The following EDIL3 variants were observed in gnomAD, a reference collection of about 807,000 sequenced individuals.
EDIL3 encodes the protein EGF-like repeat and discoidin I-like domain-containing protein 3.
Under a neutral mutation model 67.4 loss-of-function variants are expected in EDIL3, and 37 were observed. That is an observed-to-expected ratio of 0.55 (90% CI 0.42 to 0.72). The LOEUF (loss-of-function observed/expected upper bound fraction) is 0.72, where lower values mean the gene tolerates loss of function less well. Among genes scored for constraint, EDIL3 ranks in the 30% least tolerant of loss-of-function variants. The probability of loss-of-function intolerance (pLI) is 0.00; values close to 1 mark genes in which losing one functional copy is unlikely to be tolerated. For synonymous variants in EDIL3, 195 were observed against 196.3 expected, an observed-to-expected ratio of 0.99 and a Z score of 0.05; for missense variants, 527 against 586.3, an observed-to-expected ratio of 0.90 and a Z score of 1.04.
At chr5:84,249,408 T>C (rs1349821676) in intron 2 of EDIL3, among the ~76,000 whole-genome samples, 2 of 151,708 alleles carry the variant, frequency 1.3e-5, no homozygotes, top group Non-Finnish European at 2.9e-5. Context: ...TCTATCTATC[T>C]ATCTATCTAT....
chr5:84,226,669 AT>A (rs2112405737), intron 3 of EDIL3, among the ~76,000 whole-genome samples: 1 of 152,046 alleles, frequency 6.6e-6, no homozygotes, highest in East Asian at 1.9e-4. Context: ...TAAATGACAC[AT>A]TTTCTCAATG....
intron 9 of EDIL3, among the ~76,000 whole-genome samples, chr5:84,000,569 A>T (rs957663817): frequency 2.0e-5 from 3 of 152,088 alleles, no homozygotes; most frequent in Admixed American, 1.3e-4. Context: ...CACCTACAAA[A>T]AAAAAGAGCA....
intron 9 of EDIL3, among the ~76,000 whole-genome samples, chr5:84,031,361 T>C (rs1420899893): frequency 6.6e-6 from 1 of 152,224 alleles, no homozygotes; most frequent in Non-Finnish European, 1.5e-5. Context: ...TTAAGAAATT[T>C]TGCTAAATTC....
At position 84,010,450 on chromosome 5, in the gene EDIL3, C is replaced by T. The variant is rs2301075; in HGVS notation, c.1138-47090G>A. 3.6e-3 allele frequency among the ~76,000 whole-genome samples: 542 copies of T among 152,218 alleles called. 9 individuals carry two copies. Among genetic ancestry groups the T allele is most frequent in the East Asian group, 0.022 (116 of 5,180 alleles). On this transcript the variant is annotated intron_variant, in intron 9 of 10. Coordinates refer to ENST00000296591, the MANE Select transcript of EDIL3 (RefSeq NM_005711.5). ...CCAGTTTTGTTCTATTTATTTCACTCTGTTCTATTCTCTTCCAAAATTATT... is the reference window on the plus strand; with the variant it reads ...CCAGTTTTGTTCTATTTATTTCACTTTGTTCTATTCTCTTCCAAAATTATT...
intron 9 of EDIL3, among the ~76,000 whole-genome samples, chr5:84,024,058 T>C (rs748077346): frequency 6.6e-6 from 1 of 152,174 alleles, no homozygotes; most frequent in Non-Finnish European, 1.5e-5. Context: ...ATTTAGAGAT[T>C]ATTTCAGCAC....
At chr5:84,366,418 C>T (rs921425309) in intron 1 of EDIL3, among the ~76,000 whole-genome samples, 5 of 152,106 alleles carry the variant, frequency 3.3e-5, no homozygotes, top group Admixed American at 2.6e-4. Flanking sequence ...GTTAGTAATC[C>T]GTTGAAGCAG....
At chr5:84,143,406 A>C (rs2112322988) in intron 4 of EDIL3, among the ~76,000 whole-genome samples, 1 of 152,202 alleles carries the variant, frequency 6.6e-6, no homozygotes, top group Non-Finnish European at 1.5e-5. Context: ...CAAGAACAGT[A>C]GCATAACAAA....
At chr5:84,048,456 A>T (rs1746270111) in intron 9 of EDIL3, among the ~76,000 whole-genome samples, 1 of 152,044 alleles carries the variant, frequency 6.6e-6, no homozygotes, top group Admixed American at 6.6e-5. Flanking sequence ...TGAAATGAAA[A>T]TCTGTAGGGT....
chr5:83,989,471 T>A (rs1228785142), intron 9 of EDIL3, among the ~76,000 whole-genome samples: 1 of 152,226 alleles, frequency 6.6e-6, no homozygotes, highest in Non-Finnish European at 1.5e-5. Context: ...TCTCAAAATA[T>A]GCATTGCTCC....
chr5:84,094,621 TA>T (rs1363530247), intron 6 of EDIL3, among the ~76,000 whole-genome samples: 1 of 152,178 alleles, frequency 6.6e-6, no homozygotes, highest in African/African-American at 2.4e-5. Context: ...ACACATTACA[TA>T]CAGACATATG....
At chr5:84,178,822 C>T (rs1352231215) in intron 4 of EDIL3, among the ~76,000 whole-genome samples, 1 of 152,162 alleles carries the variant, frequency 6.6e-6, no homozygotes, top group African/African-American at 2.4e-5. Flanking sequence ...CAAGTTCCCA[C>T]TGCAATTCCC....
intron 10 of EDIL3, among the ~76,000 whole-genome samples, chr5:83,951,150 C>T (rs150662575): frequency 2.0e-5 from 3 of 151,566 alleles, no homozygotes; most frequent in Non-Finnish European, 3.0e-5. Context: ...AAGTGAAAAA[C>T]AAAACATGGG....
chr5:83,953,106 C>T (rs1248524815), intron 10 of EDIL3, among the ~76,000 whole-genome samples: 1 of 151,810 alleles, frequency 6.6e-6, no homozygotes, highest in Non-Finnish European at 1.5e-5. Flanking sequence ...CTCCTTTATC[C>T]TCTCTCCTGA....
intron 5 of EDIL3, among the ~76,000 whole-genome samples, chr5:84,134,226 A>G (rs1748048495): frequency 6.6e-6 from 1 of 152,192 alleles, no homozygotes; most frequent in African/African-American, 2.4e-5. Flanking sequence ...TCTCAACAAA[A>G]ACATCTTGCT....
At chr5:83,976,180 A>G (rs1482149268) in intron 9 of EDIL3, among the ~76,000 whole-genome samples, 1 of 151,840 alleles carries the variant, frequency 6.6e-6, no homozygotes, top group East Asian at 1.9e-4. Context: ...GTTGGGATGC[A>G]TTGCTTCCAA....
chr5:84,055,661 C>A (rs1439472942), intron 9 of EDIL3, among the ~76,000 whole-genome samples: 1 of 152,106 alleles, frequency 6.6e-6, no homozygotes, highest in African/African-American at 2.4e-5. Flanking sequence ...TATGAATGGA[C>A]ACTTCTCAAA....
At chr5:83,953,394 T>C (rs1232457458) in intron 10 of EDIL3, among the ~76,000 whole-genome samples, 1 of 151,784 alleles carries the variant, frequency 6.6e-6, no homozygotes, top group Non-Finnish European at 1.5e-5. Flanking sequence ...GTTGAGGGCA[T>C]ATTATTATTA....
chr5:84,215,716 A>ACATGCAAGG (rs1744214776), intron 3 of EDIL3, among the ~76,000 whole-genome samples: 1 of 152,206 alleles, frequency 6.6e-6, no homozygotes, highest in African/African-American at 2.4e-5. Context: ...TCATGCAGAC[A>ACATGCAAGG]CATGCAAGGG....
chr5:84,039,567 T>A (rs1580293543), intron 9 of EDIL3, among the ~76,000 whole-genome samples: 1 of 152,332 alleles, frequency 6.6e-6, no homozygotes, highest in Admixed American at 6.5e-5. Context: ...AAAATCATTA[T>A]CTATTGACCG....
Sources: gnomAD v4.1 joint callset for allele counts (sites outside exome capture counted in the v4.1 genomes callset) on GRCh38, gnomAD v4.1.1 for gene constraint, MANE v1.5 for transcripts, NCBI Gene and HGNC (gene_info 2026-07-23, HGNC 2026-07-21) for gene names.